CENPC: variants seen among roughly 807,000 people sequenced by gnomAD.
The protein encoded by CENPC is centromere protein C, also known as CENP-C 1.
In CENPC, 63 loss-of-function variants were observed where a neutral mutation model predicts 112.1. That is an observed-to-expected ratio of 0.56 (90% CI 0.46 to 0.69). The LOEUF (loss-of-function observed/expected upper bound fraction) is 0.69. CENPC is among the 30% of genes least tolerant of loss of function. The pLI is 0.00. For synonymous variants in CENPC, 333 were observed against 367.6 expected, an observed-to-expected ratio of 0.91 and a Z score of 1.08; for missense variants, 1,000 against 1,103.8, an observed-to-expected ratio of 0.91 and a Z score of 1.33.
At chr4:67,484,747 A>G (rs1028206250) in intron 17 of CENPC, among the ~76,000 whole-genome samples, 1 of 152,196 alleles carries the variant, frequency 6.6e-6, no homozygotes, top group Non-Finnish European at 1.5e-5. Flanking sequence ...CTTATTACTT[A>G]CTGGCTTATG....
At chr4:67,528,831 T>C (rs1281490899) in intron 5 of CENPC, among the ~76,000 whole-genome samples, 1 of 152,162 alleles carries the variant, frequency 6.6e-6, no homozygotes, top group Admixed American at 6.5e-5. Context: ...TTTGGGTATA[T>C]ACCTAGGAGG....
chr4:67,473,593 C>T (rs1170850649), intron 18 of CENPC, among the ~76,000 whole-genome samples: 2 of 151,940 alleles, frequency 1.3e-5, no homozygotes, highest in African/African-American at 2.4e-5. Context: ...TGCTCTGTCA[C>T]CCAGGCTGGA....
At chr4:67,501,535 A>G (rs973480341) in intron 12 of CENPC, among the ~76,000 whole-genome samples, 4 of 152,192 alleles carry the variant, frequency 2.6e-5, no homozygotes, top group African/African-American at 9.6e-5. Flanking sequence ...AGCTAAATGC[A>G]GTCGACGATC....
intron 4 of CENPC, 46 bp from the exon 5 acceptor site, chr4:67,530,960 C>A: frequency 1.1e-6 from 1 of 928,818 alleles, no homozygotes; most frequent in Non-Finnish European, 1.6e-6. Context: ...TATTAACTTA[C>A]CAATTCAATG....
chr4:67,496,291 T>C (rs1725428900), intron 12 of CENPC, among the ~76,000 whole-genome samples: 1 of 152,188 alleles, frequency 6.6e-6, no homozygotes, highest in African/African-American at 2.4e-5. Flanking sequence ...CCCAGCAGCT[T>C]GCATTTAACT....
chr4:67,515,153 G>T (rs1726022925), intron 7 of CENPC, among the ~76,000 whole-genome samples: 1 of 151,934 alleles, frequency 6.6e-6, no homozygotes, highest in African/African-American at 2.4e-5. Context: ...ATATTTGAAT[G>T]GACTACTACT....
chr4:67,491,974 G>C lies in CENPC; in HGVS notation c.2515+206C>G, dbSNP rs148728062. ...GTGCCCCAGAGGACAAGTCCGGGGT[G>C]TTAAGTGTCCCCTGGAGCTGTCTGA... On this transcript the variant is annotated intron_variant, in intron 16 of 18. Transcript: ENST00000273853. 2.8e-3 allele frequency among the ~76,000 whole-genome samples: 433 copies of C among 152,260 alleles called. 1 individual carries two copies. The highest frequency in any genetic ancestry group is 5.1e-3 in the Non-Finnish European group (344 of 68,020).
In CENPC at chr4:67,519,418, C is replaced by G; in HGVS notation, c.416G>C (p.Arg139Thr). 6.2e-7 allele frequency: 1 copy of G among 1,611,668 alleles called. No individual in the cohort carries two copies. Among genetic ancestry groups the G allele is most frequent in the Non-Finnish European group, 8.5e-7 (1 of 1,178,578 alleles). ...NTPDSKKISS[R>T]NINDHHSEAD... ...TTCACTGTGATGATCATTTATGTTT[C>G]TACTTGATATTTTTTTCGAGTCAGG... The change falls in exon 6 of 19, where the codon AGA becomes ACA. Residue 139 changes from arginine (R) to threonine (T), a missense_variant. Physicochemically the swap from Arg to Thr is moderately conservative, Grantham distance 71. Transcript: ENST00000273853.
chr4:67,503,114 T>C (rs780150142), intron 12 of CENPC, among the ~76,000 whole-genome samples: 25 of 152,168 alleles, frequency 1.6e-4, no homozygotes, highest in Non-Finnish European at 3.4e-4. Flanking sequence ...TGGCTTCCCA[T>C]CGCTCTTAGT....
intron 17 of CENPC, among the ~76,000 whole-genome samples, chr4:67,481,193 A>G (rs1028728825): frequency 6.6e-6 from 1 of 152,216 alleles, no homozygotes. Context: ...TCCTTTTACA[A>G]TAGCCACAAA....
intron 9 of CENPC, chr4:67,510,882 A>G (rs72924963): frequency 5.0e-4 from 204 of 409,568 alleles, no homozygotes; most frequent in African/African-American, 4.0e-3. Flanking sequence ...TTGATCAAAA[A>G]TCCAACATCT....
At chr4:67,532,058 CA>C (rs1317074010) in intron 4 of CENPC, among the ~76,000 whole-genome samples, 1 of 152,074 alleles carries the variant, frequency 6.6e-6, no homozygotes, top group Non-Finnish European at 1.5e-5. Context: ...AGAAAAAAAT[CA>C]AACAGCCCCA....
intron 12 of CENPC, among the ~76,000 whole-genome samples, chr4:67,496,087 A>G (rs1725424120): frequency 6.6e-6 from 1 of 152,228 alleles, no homozygotes; most frequent in Non-Finnish European, 1.5e-5. Flanking sequence ...AGGGGAAGAC[A>G]GCAACAATAT....
intron 5 of CENPC, among the ~76,000 whole-genome samples, chr4:67,529,927 T>C (rs1313188749): frequency 6.6e-6 from 1 of 152,136 alleles, no homozygotes; most frequent in East Asian, 1.9e-4. Context: ...GTATGTTGAA[T>C]GTTATGTGAG....
At chr4:67,521,736 T>C (rs184829950) in intron 5 of CENPC, among the ~76,000 whole-genome samples, 1 of 152,290 alleles carries the variant, frequency 6.6e-6, no homozygotes, top group East Asian at 1.9e-4. Flanking sequence ...CAAGTGCCCA[T>C]CAACAGATTA....
chr4:67,532,088 A>C (rs1237725761), intron 4 of CENPC, among the ~76,000 whole-genome samples: 2 of 152,242 alleles, frequency 1.3e-5, no homozygotes, highest in Non-Finnish European at 2.9e-5. Flanking sequence ...TGGGCAAAGG[A>C]TATGAACAGA....
At chr4:67,523,844 G>T (rs1359831144) in intron 5 of CENPC, among the ~76,000 whole-genome samples, 1 of 152,056 alleles carries the variant, frequency 6.6e-6, no homozygotes, top group African/African-American at 2.4e-5. Context: ...AGAGCATCTT[G>T]TGGCTCTAAA....
chr4:67,536,108 A>G (rs994876878), intron 4 of CENPC, among the ~76,000 whole-genome samples: 9 of 152,306 alleles, frequency 5.9e-5, no homozygotes, highest in Non-Finnish European at 1.3e-4. Flanking sequence ...GAAAATGTTA[A>G]TGACAGAAAA....
Position 67,490,128 on chromosome 4 carries a change from G to T in CENPC, c.2516-7C>A. On this transcript the variant is annotated splice_polypyrimidine_tract_variant and splice_region_variant and intron_variant, in intron 16 of 18. Coordinates refer to ENST00000273853, the MANE Select transcript of CENPC (RefSeq NM_001812.4). ...TCTTGTGGCCTTACAAGATCTAGGA[G>T]TAAAACAGTAATACAAATATAAAAC... is the stretch of plus-strand genomic sequence containing the variant. 6.3e-7 allele frequency: 1 copy of T among 1,577,926 alleles called. No homozygotes were observed. The highest frequency in any genetic ancestry group is 8.6e-7 in the Non-Finnish European group (1 of 1,160,222).
Sources: gnomAD v4.1 joint callset for allele counts (sites outside exome capture counted in the v4.1 genomes callset) on GRCh38, gnomAD v4.1.1 for gene constraint, MANE v1.5 for transcripts, NCBI Gene and HGNC (gene_info 2026-07-23, HGNC 2026-07-21) for gene names.